Variants in BCO1 observed in about 807,000 individuals in gnomAD.
BCO1 encodes beta,beta-carotene 15,15'-dioxygenase.
In BCO1, 54 loss-of-function variants were observed where a neutral mutation model predicts 56.3. That is an observed-to-expected ratio of 0.96 (90% CI 0.77 to 1.20). The LOEUF is 1.20. Ranked by LOEUF, BCO1 falls within the 50% of genes most tolerant of loss-of-function variation. The pLI is 0.00. For synonymous variants in BCO1, 318 were observed against 266.1 expected (o/e 1.20, Z -1.90); for missense variants, 801 against 690.9 (o/e 1.16, Z -1.79).
intron 7 of BCO1, among the ~76,000 whole-genome samples, chr16:81,275,859 G>A (rs566423599): frequency 4.1e-4 from 63 of 152,272 alleles, no homozygotes; most frequent in African/African-American, 1.2e-3. Flanking sequence ...TCTGGGCACC[G>A]TGGGCCTGTT....
At chr16:81,247,243 T>C (rs1905480100) in intron 2 of BCO1, among the ~76,000 whole-genome samples, 1 of 152,222 alleles carries the variant, frequency 6.6e-6, no homozygotes, top group African/African-American at 2.4e-5. Context: ...ACGTTAAGTC[T>C]CTCAGCCTCA....
intron 1 of BCO1, among the ~76,000 whole-genome samples, chr16:81,239,219 G>T (rs1211659880): frequency 6.6e-6 from 1 of 151,942 alleles, no homozygotes; most frequent in Non-Finnish European, 1.5e-5. Context: ...GTTTCAGCAT[G>T]TTGGCCAGGC....
Position 81,238,888 on chromosome 16 carries a change from T to C in BCO1, c.-21T>C. On this transcript the variant is annotated 5_prime_UTR_variant, in exon 1 of 11. Transcript: ENST00000258168. ...AGCACCTGTTTGCTGTTAAAATCGA[T>C]CTCCCTCGGCACCCTGAGCAATGGA... is the stretch of plus-strand genomic sequence containing the variant. The C allele has an allele frequency of 1.9e-6, 3 of 1,612,692 alleles. No homozygotes were observed. The highest frequency in any genetic ancestry group is 2.5e-6 in the Non-Finnish European group (3 of 1,179,078).
Position 81,287,295 on chromosome 16 carries a change from A to G in BCO1, c.1303A>G (p.Ile435Val), listed in dbSNP as rs760969522. 1.4e-5 allele frequency: 22 copies of G among 1,605,860 alleles called. 1 individual carries two copies. In the South Asian group the frequency reaches 2.3e-4, roughly 17 times the overall value. Residue 435 changes from isoleucine to valine, a missense_variant and splice_region_variant, in exon 10 of 11, where the codon ATA (isoleucine) becomes GTA (valine). Transcript: ENST00000258168. ...GVQWSPIPTK[I>V]IKYDILTKSS... ...GTGTTTTTCCTCGTTGGATGTACAGATAATAAAATATGACATTCTCACAAA... is the reference window on the plus strand; with the variant it reads ...GTGTTTTTCCTCGTTGGATGTACAGGTAATAAAATATGACATTCTCACAAA...
At chr16:81,247,160 T>C (rs1905475650) in intron 2 of BCO1, among the ~76,000 whole-genome samples, 1 of 152,136 alleles carries the variant, frequency 6.6e-6, no homozygotes, top group Non-Finnish European at 1.5e-5. Context: ...GTGGACAGAT[T>C]TGTGTCCAAA....
Position 81,280,034 on chromosome 16 carries a change from G to T in BCO1, c.1102-823G>T, listed in dbSNP as rs147979377. ...TCCCAGCACTTTGGGAGGCCGAGGC[G>T]GGTGGATCACTTGAGGTCAGGAGTT... On this transcript the variant is annotated intron_variant, in intron 7 of 10. Coordinates refer to ENST00000258168, the MANE Select transcript of BCO1 (RefSeq NM_017429.3). Among the ~76,000 whole-genome samples the T allele has an allele frequency of 3.8e-3, 577 of 151,894 alleles. 4 individuals are homozygous for T. The highest frequency in any genetic ancestry group is 0.013 in the African/African-American group (556 of 41,440).
intron 2 of BCO1, among the ~76,000 whole-genome samples, chr16:81,256,858 AG>A (rs1170880555): frequency 2.6e-5 from 4 of 152,120 alleles, no homozygotes; most frequent in Non-Finnish European, 5.9e-5. Flanking sequence ...ACTGGACTCC[AG>A]CCTGGGCGAC....
intron 10 of BCO1, among the ~76,000 whole-genome samples, chr16:81,287,730 G>C (rs1908265607): frequency 1.3e-5 from 2 of 152,186 alleles, no homozygotes; most frequent in Non-Finnish European, 2.9e-5. Flanking sequence ...AATTAGCACA[G>C]GGAAGAGATG....
intron 5 of BCO1, 93 bp from the exon 6 acceptor site, chr16:81,267,815 G>C: frequency 1.8e-6 from 2 of 1,091,260 alleles, no homozygotes; most frequent in Admixed American, 3.8e-5. Flanking sequence ...GTTTTTTTCA[G>C]CAATCAAGTC....
chr16:81,285,309 G>A (rs1053703881), intron 8 of BCO1, among the ~76,000 whole-genome samples: 10 of 152,154 alleles, frequency 6.6e-5, no homozygotes, highest in African/African-American at 2.2e-4. Flanking sequence ...TTAAAACCTA[G>A]GTCTGGAGTA....
chr16:81,262,320 T>C (rs773962707), intron 4 of BCO1, 37 bp downstream of exon 4: 43 of 1,601,396 alleles, frequency 2.7e-5, no homozygotes, highest in Non-Finnish European at 3.2e-5. Flanking sequence ...ACTTCCTGAC[T>C]CAAGAAAGGG....
chr16:81,278,102 C>T (rs1225405903), intron 7 of BCO1, among the ~76,000 whole-genome samples: 1 of 152,030 alleles, frequency 6.6e-6, no homozygotes, highest in East Asian at 1.9e-4. Context: ...AGTGCAGTGA[C>T]GCGATCTCGG....
intron 2 of BCO1, among the ~76,000 whole-genome samples, chr16:81,251,852 GCACACA>G (rs747747653): frequency 1.4e-5 from 2 of 140,866 alleles, no homozygotes; most frequent in Non-Finnish European, 3.1e-5. Context: ...ACACACACAC[GCACACA>G]CACACACACA....
At chr16:81,274,825 C>T (rs1188299271) in intron 7 of BCO1, among the ~76,000 whole-genome samples, 1 of 151,928 alleles carries the variant, frequency 6.6e-6, no homozygotes, top group African/African-American at 2.4e-5. Context: ...CTGCAGTGAG[C>T]TGAGATCCCA....
rs746790957 is a variant in BCO1 at position 81,262,207 on chromosome 16, G to A, written c.395G>A (p.Gly132Glu). Residue 132 changes from glycine (G) to glutamate (E), a missense_variant, in exon 4 of 11, where the codon GGA becomes GAA. By Grantham distance (98) the Gly-to-Glu change is moderately conservative. Transcript: ENST00000258168. ...TGCCTGATCAACATCATGAAGTGCG[G>A]AGAAGACTTCTACGCGACCTCAGAG... ...DNCLINIMKCGEDFYATSETN... is the reference protein window; with the variant it reads ...DNCLINIMKCEEDFYATSETN... The A allele has an allele frequency of 1.1e-5, 18 of 1,613,568 alleles. No homozygotes were observed. The highest frequency in any genetic ancestry group is 1.5e-5 in the Non-Finnish European group (18 of 1,179,588).
intron 1 of BCO1, among the ~76,000 whole-genome samples, chr16:81,241,591 G>A (rs763441021): frequency 3.3e-5 from 5 of 152,196 alleles, no homozygotes; most frequent in Non-Finnish European, 5.9e-5. Context: ...GGGGGGTGGA[G>A]CTCAGCAAGC....
chr16:81,271,970 C>T (rs1178303948), intron 7 of BCO1, among the ~76,000 whole-genome samples: 4 of 152,136 alleles, frequency 2.6e-5, no homozygotes, highest in Admixed American at 2.6e-4. Flanking sequence ...CGGTCTTGAA[C>T]TCCTGAACTC....
At chr16:81,242,278 G>A (rs975605694) in intron 1 of BCO1, among the ~76,000 whole-genome samples, 1 of 140,974 alleles carries the variant, frequency 7.1e-6, no homozygotes, top group East Asian at 2.1e-4. Flanking sequence ...TCGGCTCACT[G>A]CAATCTCCTC....
In BCO1 at chr16:81,290,594, G is replaced by A. The variant is rs371710397; in HGVS notation, c.*17G>A. 2.0e-5 allele frequency: 32 copies of A among 1,598,798 alleles called. No homozygotes were observed. The African/African-American group carries it at 4.3e-4, about 21-fold the overall frequency. ...CTGACCTGATGGTGTTGGGGTTTGG[G>A]TAGGGGAGGGGAGCTCGGCTGTCAG... On this transcript the variant is annotated 3_prime_UTR_variant, in exon 11 of 11. Coordinates refer to ENST00000258168, the MANE Select transcript of BCO1 (RefSeq NM_017429.3).
Sources: allele counts gnomAD v4.1 joint callset (sites outside exome capture counted in the v4.1 genomes callset), GRCh38; gene constraint gnomAD v4.1.1; transcripts MANE v1.5; gene names NCBI Gene and HGNC (gene_info 2026-07-23, HGNC 2026-07-21).